Variants in IL1RAPL1 observed in about 807,000 individuals in gnomAD.
IL1RAPL1 encodes interleukin-1 receptor accessory protein-like 1.
IL1RAPL1 carries 3 observed loss-of-function variants against 48.4 expected under a neutral mutation model. That is an observed-to-expected ratio of 0.06 (90% CI 0.03 to 0.16). The LOEUF (loss-of-function observed/expected upper bound fraction) is 0.16. Among genes scored for constraint, IL1RAPL1 ranks in the 10% least tolerant of loss-of-function variants. The pLI, the probability that IL1RAPL1 is intolerant of heterozygous loss-of-function variation, is 1.00. For missense variants in IL1RAPL1, 349 were observed against 530.6 expected, an observed-to-expected ratio of 0.66 and a Z score of 3.36; for synonymous variants, 185 against 187.7, an observed-to-expected ratio of 0.99 and a Z score of 0.12.
chrX:28,603,987 C>T (rs1254955208), intron 1 of IL1RAPL1, among the ~76,000 whole-genome samples: 1 of 112,162 alleles, frequency 8.9e-6, no homozygotes, highest in South Asian at 3.7e-4. Context: ...TTGGTTGCAT[C>T]AATAATGCAG....
At chrX:29,889,871 T>A (rs1262462531) in intron 6 of IL1RAPL1, among the ~76,000 whole-genome samples, 1 of 110,771 alleles carries the variant, frequency 9.0e-6, no homozygotes, top group Admixed American at 9.7e-5. Context: ...GTTTCAATTT[T>A]TTTTTTACTA....
intron 5 of IL1RAPL1, among the ~76,000 whole-genome samples, chrX:29,439,779 C>A (rs1456236491): frequency 2.8e-5 from 3 of 107,115 alleles, no homozygotes; most frequent in Non-Finnish European, 5.8e-5. Flanking sequence ...TGAGAAAATG[C>A]TTCAGAATAT....
chrX:29,356,143 C>T (rs1168902916), intron 3 of IL1RAPL1, among the ~76,000 whole-genome samples: 1 of 110,764 alleles, frequency 9.0e-6, no homozygotes, highest in Non-Finnish European at 1.9e-5. Context: ...TGCATTAATT[C>T]ATTTGTTCAT....
chrX:28,597,871 G>T (rs934099766), intron 1 of IL1RAPL1, among the ~76,000 whole-genome samples: 2 of 109,462 alleles, frequency 1.8e-5, no homozygotes, highest in Non-Finnish European at 3.8e-5. Context: ...AACTATCCTT[G>T]CTTGGTAGTA....
chrX:28,834,309 T>C (rs1324474085), intron 2 of IL1RAPL1, among the ~76,000 whole-genome samples: 1 of 111,931 alleles, frequency 8.9e-6, no homozygotes, highest in Non-Finnish European at 1.9e-5. Context: ...AAAAAATTCA[T>C]CCCTCTTGTT....
At chrX:28,861,817 A>G (rs1443966454) in intron 2 of IL1RAPL1, among the ~76,000 whole-genome samples, 2 of 111,332 alleles carry the variant, frequency 1.8e-5, no homozygotes, top group Non-Finnish European at 3.8e-5. Context: ...TTTGTTTACT[A>G]AAGTTTTAGA....
chrX:29,085,819 C>T (rs1927941284), intron 2 of IL1RAPL1, among the ~76,000 whole-genome samples: 1 of 111,804 alleles, frequency 8.9e-6, no homozygotes, highest in South Asian at 3.7e-4. Context: ...GAAATGCTGT[C>T]TCCGTGTTAT....
At chrX:29,679,700 C>G (rs1270748389) in intron 6 of IL1RAPL1, among the ~76,000 whole-genome samples, 1 of 111,957 alleles carries the variant, frequency 8.9e-6, no homozygotes, top group African/African-American at 3.2e-5. Flanking sequence ...CTCCAATGCT[C>G]TTTATTAGGA....
chrX:29,936,491 C>A (rs976472616), intron 8 of IL1RAPL1, among the ~76,000 whole-genome samples: 1 of 102,464 alleles, frequency 9.8e-6, no homozygotes, highest in African/African-American at 3.6e-5. Context: ...TCAGTTATAC[C>A]TTCTGGCAAA....
chrX:28,950,975 A>G (rs376087058), intron 2 of IL1RAPL1, among the ~76,000 whole-genome samples: 1 of 102,549 alleles, frequency 9.8e-6, no homozygotes, highest in East Asian at 3.2e-4. Context: ...CTTTGTAGGG[A>G]CATGGATGAA....
At chrX:29,882,677 C>T (rs966915342) in intron 6 of IL1RAPL1, among the ~76,000 whole-genome samples, 9 of 112,011 alleles carry the variant, frequency 8.0e-5, no homozygotes, top group Non-Finnish European at 1.7e-4. Context: ...GGCAGGAAGA[C>T]TGATTTAGCC....
chrX:29,087,925 AG>A (rs1927991411), intron 2 of IL1RAPL1, among the ~76,000 whole-genome samples: 1 of 111,840 alleles, frequency 8.9e-6, no homozygotes, highest in African/African-American at 3.3e-5. Context: ...CCAGCTATTC[AG>A]GAGGCTGAAG....
intron 6 of IL1RAPL1, among the ~76,000 whole-genome samples, chrX:29,800,465 TTCTG>T (rs1249375143): frequency 1.9e-5 from 2 of 106,555 alleles, no homozygotes; most frequent in African/African-American, 6.9e-5. Flanking sequence ...CTCTGTTTCT[TTCTG>T]TATTATAGGA....
At chrX:29,040,613 T>C (rs760164046) in intron 2 of IL1RAPL1, among the ~76,000 whole-genome samples, 133 of 112,048 alleles carry the variant, frequency 1.2e-3, no homozygotes, top group African/African-American at 3.9e-3. Flanking sequence ...TTCTAAACTT[T>C]ATTAAAATCC....
chrX:29,854,479 G>A (rs1931439219), intron 6 of IL1RAPL1, among the ~76,000 whole-genome samples: 1 of 111,328 alleles, frequency 9.0e-6, no homozygotes, highest in Non-Finnish European at 1.9e-5. Context: ...TAAAAGTAGA[G>A]AAATATCAGA....
intron 3 of IL1RAPL1, among the ~76,000 whole-genome samples, chrX:29,289,891 T>C (rs916816718): frequency 8.9e-6 from 1 of 112,539 alleles, no homozygotes; most frequent in Non-Finnish European, 1.9e-5. Flanking sequence ...ATGTGATTGA[T>C]TTTTGTGTTA....
At chrX:29,204,766 G>A (rs1930629992) in intron 2 of IL1RAPL1, among the ~76,000 whole-genome samples, 1 of 111,353 alleles carries the variant, frequency 9.0e-6, no homozygotes, top group African/African-American at 3.3e-5. Context: ...TTTGTCTTTT[G>A]CAAATATTTA....
intron 2 of IL1RAPL1, among the ~76,000 whole-genome samples, chrX:29,228,125 C>A (rs1211772935): frequency 3.8e-5 from 4 of 105,255 alleles, no homozygotes; most frequent in Non-Finnish European, 5.8e-5. Context: ...CCTTGCGAGC[C>A]ATTCCAGAAA....
intron 1 of IL1RAPL1, among the ~76,000 whole-genome samples, chrX:28,629,212 G>A (rs947424740): frequency 9.0e-6 from 1 of 111,624 alleles, no homozygotes; most frequent in Admixed American, 9.6e-5. Context: ...AGAATAAATA[G>A]TGTGAGTAGG....
Sources: gnomAD v4.1 joint callset for allele counts (sites outside exome capture counted in the v4.1 genomes callset) on GRCh38, gnomAD v4.1.1 for gene constraint, MANE v1.5 for transcripts, NCBI Gene and HGNC (gene_info 2026-07-23, HGNC 2026-07-21) for gene names.